Variants in MUC3A observed in about 807,000 individuals in gnomAD.
MUC3A encodes the protein mucin 3A, cell surface associated, also known as mucin-3A.
In MUC3A, 109 loss-of-function variants were observed where a neutral mutation model predicts 109.0. The ratio of observed to expected loss-of-function variants is 1.00; its 90% CI spans 0.86 to 1.17. MUC3A has a LOEUF of 1.17. Among genes scored for constraint, MUC3A ranks in the 50% most tolerant of loss-of-function variants. MUC3A has a pLI of 0.00. For synonymous variants in MUC3A, 1,398 were observed against 981.4 expected, an observed-to-expected ratio of 1.42 and a Z score of -7.93; for missense variants, 3,537 against 2,469.4, an observed-to-expected ratio of 1.43 and a Z score of -9.16.
rs766061793 is a variant in MUC3A, at chr7:100,960,137, T to G, written c.8358T>G (p.Cys2786Trp). ...TIVPASPTDPCVEMDPSTEAT... is the reference protein window; with the variant it reads ...TIVPASPTDPWVEMDPSTEAT... Reference sequence around the variant, plus strand: ...TCCCTGCCTCCCCCACTGATCCATGTGTTGAAATGGATCCCAGCACTGAAG... The same window carrying G: ...TCCCTGCCTCCCCCACTGATCCATGGGTTGAAATGGATCCCAGCACTGAAG... The change falls in exon 2 of 12, where the codon TGT becomes TGG. Residue 2786 changes from cysteine (C) to tryptophan (W), a missense_variant. By Grantham distance (215) the Cys-to-Trp change is radical. Coordinates refer to ENST00000379458, the MANE Select transcript of MUC3A (RefSeq NM_005960.2). The G allele has an allele frequency of 1.9e-6, 3 of 1,552,002 alleles. No homozygotes were observed. The highest frequency in any genetic ancestry group is 2.4e-5 in the South Asian group (2 of 81,724).
rs1288162812 is a variant in MUC3A at position 100,966,508 on chromosome 7, T to TGG, written c.9736_9737dup (p.Val3247AlafsTer64). On this transcript the variant is annotated frameshift_variant, in exon 9 of 12. Transcript: ENST00000379458. LOFTEE classifies it high-confidence loss of function. ...CTGCTGGTGCTGCTGCTGCTGGCGC[T>TGG]GGGCGTCCGGGCGGTGCGCTCCGGA... 1 of 1,302,570 alleles carries TGG rather than the reference T, an allele frequency of 7.7e-7. No homozygotes were observed. Among genetic ancestry groups the TGG allele is most frequent in the Admixed American group, 4.1e-5 (1 of 24,596 alleles). The allele number at this position is 1,302,570 out of a possible 1,614,324, so 80.7% of individuals were successfully genotyped here. A position where few individuals can be genotyped will look rare whatever the true frequency, so the allele number is the denominator to read the frequency against.
intron 1 of MUC3A, among the ~76,000 whole-genome samples, chr7:100,950,085 C>G (rs569488857): frequency 6.6e-6 from 1 of 152,366 alleles, no homozygotes; most frequent in Non-Finnish European, 1.5e-5. Flanking sequence ...GCTTGAGTGT[C>G]CCCTTCACAC....
At chr7:100,961,210 A>G (rs1456700918) in intron 3 of MUC3A, among the ~76,000 whole-genome samples, 1 of 152,310 alleles carries the variant, frequency 6.6e-6, no homozygotes, top group Non-Finnish European at 1.5e-5. Flanking sequence ...CCGGGCCAAC[A>G]AACACAAATC....
chr7:100,962,486 G>A (rs1350611230), intron 3 of MUC3A, among the ~76,000 whole-genome samples: 1 of 152,306 alleles, frequency 6.6e-6, no homozygotes, highest in African/African-American at 2.4e-5. Flanking sequence ...CCCTTGCCAT[G>A]TAGTATAGCA....
rs1584800408 is a variant in MUC3A, at chr7:100,953,621, G to A, written c.1842G>A (p.Pro614=). The change falls in exon 2 of 12, where the codon CCG becomes CCA. Residue 614 remains proline (P), a synonymous_variant. Coordinates refer to ENST00000379458, the MANE Select transcript of MUC3A (RefSeq NM_005960.2). ...STATFPETTT[P]TPTTDMSTES... ...CCACATTTCCTGAGACCACCACACC[G>A]ACTCCTACAACTGACATGTCCACAG... 4.9e-5 allele frequency: 21 copies of A among 425,956 alleles called. No individual in the cohort carries two copies. The East Asian group carries it at 6.2e-4, about 13-fold the overall frequency. 26.4% of individuals were successfully genotyped at this position (425,956 alleles called of 1,614,324 possible).
rs1405075930 is a variant in MUC3A, at chr7:100,965,411, T to C, written c.9448+64T>C. The stretch of plus-strand genomic sequence containing the variant: ...TATGATCCGGGCTACCAGGGACATT[T>C]GCCCATTGAAGCCTGTGGGCAGGGA... On this transcript the variant is annotated intron_variant, in intron 7 of 11. Coordinates refer to ENST00000379458, the MANE Select transcript of MUC3A (RefSeq NM_005960.2). 7 of 1,565,724 alleles carry C rather than the reference T, an allele frequency of 4.5e-6. No individual in the cohort carries two copies. The East Asian group carries it at 1.6e-4, about 36-fold the overall frequency.
chr7:100,958,928 GACCCCCTTAC>G lies in MUC3A; in HGVS notation c.7152_7161del (p.Pro2385ValfsTer83), dbSNP rs1792200375. ...TCAGTTCTTCAATCACCACCACTGAGACCCCCTTACACAGTACTCCTGGCCTCACTTCGTG... is the reference window on the plus strand; with the variant it reads ...TCAGTTCTTCAATCACCACCACTGAGACAGTACTCCTGGCCTCACTTCGTG... On this transcript the variant is annotated frameshift_variant, in exon 2 of 12. Transcript: ENST00000379458. LOFTEE classifies it high-confidence loss of function. 2.9e-6 allele frequency: 4 copies of G among 1,402,292 alleles called. No homozygotes were observed. The highest frequency in any genetic ancestry group is 2.4e-5 in the Admixed American group (1 of 41,798). The allele number at this position is 1,402,292 out of a possible 1,614,324, so 86.9% of individuals were successfully genotyped here.
At position 100,966,379 on chromosome 7, in the gene MUC3A, C is replaced by T. The variant is rs1792558777; in HGVS notation, c.9612-7C>T. On this transcript the variant is annotated splice_polypyrimidine_tract_variant and splice_region_variant and intron_variant, in intron 8 of 11. Transcript: ENST00000379458. ...TGAAGAGGGTCTGACCCTGCGATCT[C>T]CCGCAGCTGCTACTCCACCGACACG... The T allele has an allele frequency of 4.5e-6, 6 of 1,326,976 alleles. No individual in the cohort carries two copies. The highest frequency in any genetic ancestry group is 5.7e-6 in the Non-Finnish European group (6 of 1,044,398). The allele number at this position is 1,326,976 out of a possible 1,614,324, so 82.2% of individuals were successfully genotyped here.
Position 100,964,704 on chromosome 7 carries a change from C to T in MUC3A, c.9243C>T (p.Ser3081=), listed in dbSNP as rs761633065. Residue 3081 remains serine (S), a synonymous_variant, in exon 6 of 12, where the codon AGC becomes AGT. Transcript: ENST00000379458. The part of the protein sequence containing the change: ...GVEILSLRNG[S]IVVDYLVLLE... ...GCTGTGGACCCCTCAGGAATGGCAG[C>T]ATCGTGGTGGACTACCTGGTCCTGC... 1.4e-5 allele frequency: 22 copies of T among 1,598,054 alleles called. No individual in the cohort carries two copies. The highest frequency in any genetic ancestry group is 4.5e-5 in the East Asian group (2 of 44,890).
In MUC3A at chr7:100,959,607, A is replaced by C. The variant is rs781075392; in HGVS notation, c.7828A>C (p.Thr2610Pro). The change falls in exon 2 of 12, where the codon ACT (threonine) becomes CCT (proline). Residue 2610 changes from threonine (T) to proline (P), a missense_variant. Physicochemically the swap from Thr to Pro is conservative, Grantham distance 38 (BLOSUM62 -1). Transcript: ENST00000379458. Reference protein sequence around the residue: ...TFGSTDSSTSTLHTLTPSTAL... With the variant: ...TFGSTDSSTSPLHTLTPSTAL... Reference sequence around the variant, plus strand: ...TGGAAGTACGGATTCCTCCACGTCCACTCTTCATACTCTTACTCCATCAAC... The same window carrying C: ...TGGAAGTACGGATTCCTCCACGTCCCCTCTTCATACTCTTACTCCATCAAC... The C allele has an allele frequency of 1.3e-6, 2 of 1,598,134 alleles. No homozygotes were observed. The highest frequency in any genetic ancestry group is 2.2e-5 in the East Asian group (1 of 44,890).
chr7:100,952,139 GGTCTATTCA>G lies in MUC3A; in HGVS notation c.362_370del (p.Val121_Ser123del). On this transcript the variant is annotated inframe_deletion, in exon 2 of 12. Coordinates refer to ENST00000379458, the MANE Select transcript of MUC3A (RefSeq NM_005960.2). ...TTGAAACCACTCCACCCACCGTGTT[GGTCTATTCA>G]GCCACCACTGAGTGCGTGTATCCAA... 1 of 1,598,546 alleles carries G rather than the reference GGTCTATTCA, an allele frequency of 6.3e-7. No homozygotes were observed. Among genetic ancestry groups the G allele is most frequent in the Non-Finnish European group, 8.5e-7 (1 of 1,179,756 alleles).
intron 5 of MUC3A, chr7:100,964,123 T>A: frequency 2.5e-6 from 1 of 396,264 alleles, no homozygotes; most frequent in South Asian, 2.8e-5. Context: ...GCCCGGTGGA[T>A]GATGGCTTGA....
rs587599771 is a variant in MUC3A, at chr7:100,964,839, C to T, written c.9378C>T (p.Ser3126=). ...ASQDVNSCQD[S]QTLCFKPDSI... ...AGGATGTGAACAGCTGCCAGGACTC[C>T]CAGAGTGAGCCCAGGCTGGAGGGAG... Residue 3126 remains serine, a synonymous_variant, in exon 6 of 12, where the codon TCC becomes TCT. Transcript: ENST00000379458. 2 of 1,597,246 alleles carry T rather than the reference C, an allele frequency of 1.3e-6. No homozygotes were observed. Among genetic ancestry groups the T allele is most frequent in the Non-Finnish European group, 1.7e-6 (2 of 1,178,864 alleles).
Position 100,959,546 on chromosome 7 carries a change from G to C in MUC3A, c.7767G>C (p.Gly2589=), listed in dbSNP as rs868783742. The change falls in exon 2 of 12, where the codon GGG becomes GGC. Residue 2589 remains glycine (G), a synonymous_variant. Coordinates refer to ENST00000379458, the MANE Select transcript of MUC3A (RefSeq NM_005960.2). ...CTCCTGTACTGACGTCAGCCACTGGGACCCAAACATCTCCTGCACCTACTA... is the reference window on the plus strand; with the variant it reads ...CTCCTGTACTGACGTCAGCCACTGGCACCCAAACATCTCCTGCACCTACTA... ...QTPPVLTSAT[G]TQTSPAPTTV... 23 of 1,590,868 alleles carry C rather than the reference G, an allele frequency of 1.4e-5. No homozygotes were observed. In the Middle Eastern group the frequency reaches 3.3e-3, roughly 229 times the overall value.
intron 3 of MUC3A, among the ~76,000 whole-genome samples, chr7:100,961,440 T>G (rs371233303): frequency 0.11 from 4,353 of 41,004 alleles, no homozygotes; most frequent in Middle Eastern, 0.18. Context: ...CTCCCTCTAA[T>G]GAACTCTGGC....
chr7:100,951,663 T>TGGG (rs1791946367), intron 1 of MUC3A, among the ~76,000 whole-genome samples, 178 bp from the exon 2 acceptor site: 1 of 149,476 alleles, frequency 6.7e-6, no homozygotes, highest in South Asian at 2.1e-4. Context: ...CAGGCAGTCG[T>TGGG]CTCCAGCACC....
chr7:100,961,128 T>A, intron 3 of MUC3A, 191 bp downstream of exon 3: 1 of 961,036 alleles, frequency 1.0e-6, no homozygotes, highest in Non-Finnish European at 1.2e-6. Context: ...AGGAGGTGGC[T>A]GGGACTACCC....
chr7:100,952,150 C>G lies in MUC3A; in HGVS notation c.371C>G (p.Ala124Gly). 1 of 1,598,506 alleles carries G rather than the reference C, an allele frequency of 6.3e-7. No homozygotes were observed. Among genetic ancestry groups the G allele is most frequent in the Non-Finnish European group, 8.5e-7 (1 of 1,179,736 alleles). The change falls in exon 2 of 12, where the codon GCC becomes GGC. Residue 124 changes from alanine to glycine, a missense_variant. Physicochemically the swap from Ala to Gly is moderately conservative, Grantham distance 60. Coordinates refer to ENST00000379458, the MANE Select transcript of MUC3A (RefSeq NM_005960.2). ...TTPPTVLVYS[A>G]TTECVYPTSF... Reference sequence around the variant, plus strand: ...CCACCCACCGTGTTGGTCTATTCAGCCACCACTGAGTGCGTGTATCCAACG... The same window carrying G: ...CCACCCACCGTGTTGGTCTATTCAGGCACCACTGAGTGCGTGTATCCAACG...
chr7:100,966,495 C>G lies in MUC3A; in HGVS notation c.9721C>G (p.Leu3241Val). 7.6e-7 allele frequency: 1 copy of G among 1,312,686 alleles called. No homozygotes were observed. The highest frequency in any genetic ancestry group is 1.5e-5 in the African/African-American group (1 of 65,896). 81.3% of individuals were successfully genotyped at this position (1,312,686 alleles called of 1,614,324 possible). A position where few individuals can be genotyped will look rare whatever the true frequency, so the allele number is the denominator to read the frequency against. Residue 3241 changes from leucine (L) to valine (V), a missense_variant, in exon 9 of 12, where the codon CTG becomes GTG. Leu to Val is a conservative substitution (Grantham distance 32). Transcript: ENST00000379458. ...GGCCGGCGCCGCGCTGCTGGTGCTG[C>G]TGCTGCTGGCGCTGGGCGTCCGGGC... ...LTAGAALLVL[L>V]LLALGVRAVR...
Sources: gnomAD v4.1 joint callset for allele counts (sites outside exome capture counted in the v4.1 genomes callset) on GRCh38, gnomAD v4.1.1 for gene constraint, MANE v1.5 for transcripts, NCBI Gene and HGNC (gene_info 2026-07-23, HGNC 2026-07-21) for gene names.